Variants in COQ8A observed in about 807,000 individuals in gnomAD.
COQ8A encodes atypical kinase COQ8A, mitochondrial.
In COQ8A, 51 loss-of-function variants were observed where a neutral mutation model predicts 65.0. That is an observed-to-expected ratio of 0.78 (90% CI 0.63 to 0.99). The LOEUF (loss-of-function observed/expected upper bound fraction) is 0.99. COQ8A is among the 50% of genes least tolerant of loss of function. The pLI is 0.00. For missense variants in COQ8A, 940 were observed against 875.0 expected (o/e 1.07, Z -0.94); for synonymous variants, 371 against 353.2 (o/e 1.05, Z -0.57).
chr1:226,947,884 C>G (rs758904832), intron 1 of COQ8A, among the ~76,000 whole-genome samples: 5 of 152,220 alleles, frequency 3.3e-5, no homozygotes, highest in East Asian at 1.9e-4. Flanking sequence ...TCATTAAGAA[C>G]AGGAATGCAC....
Position 226,986,751 on chromosome 1 carries a change from GCCCAGGCCGGCTCC to G in COQ8A, c.*15_*28del, listed in dbSNP as rs766809642. ...GCCCAGCAGTAGGGCTGCGGGCCAC[GCCCAGGCCGGCTCC>G]GCGGGAACTCTCTCCCTCAGACAGG... On this transcript the variant is annotated 3_prime_UTR_variant, in exon 15 of 15. Transcript: ENST00000366777. 2.5e-6 allele frequency: 4 copies of G among 1,610,164 alleles called. No homozygotes were observed. The highest frequency in any genetic ancestry group is 1.3e-5 in the African/African-American group (1 of 75,052).
chr1:226,978,509 C>A (rs934555986), intron 5 of COQ8A, among the ~76,000 whole-genome samples: 2 of 137,966 alleles, frequency 1.4e-5, no homozygotes, highest in African/African-American at 5.1e-5. Context: ...CTCCACACAC[C>A]CACCGAACAC....
Position 226,984,956 on chromosome 1 carries a change from G to A in COQ8A, c.1572+15G>A, listed in dbSNP as rs1162870227. ...TCTACATTCAGGTAACTGGAGAGGGGCCCTGGCCTTGGTCCATGTTTTTCT... is the reference window on the plus strand; with the variant it reads ...TCTACATTCAGGTAACTGGAGAGGGACCCTGGCCTTGGTCCATGTTTTTCT... On this transcript the variant is annotated intron_variant, in intron 13 of 14. Coordinates refer to ENST00000366777, the MANE Select transcript of COQ8A (RefSeq NM_020247.5). 2 of 1,613,858 alleles carry A rather than the reference G, an allele frequency of 1.2e-6. No homozygotes were observed. The highest frequency in any genetic ancestry group is 2.2e-5 in the East Asian group (1 of 44,884).
chr1:226,964,477 G>C (rs1658439229), intron 2 of COQ8A, among the ~76,000 whole-genome samples: 1 of 152,194 alleles, frequency 6.6e-6, no homozygotes, highest in Non-Finnish European at 1.5e-5. Context: ...GCCTGGTCCT[G>C]GTTGTAACCA....
intron 2 of COQ8A, among the ~76,000 whole-genome samples, chr1:226,964,018 G>T (rs1043636879): frequency 6.6e-6 from 1 of 152,138 alleles, no homozygotes; most frequent in Admixed American, 6.5e-5. Context: ...CACATCAGCC[G>T]TCTTTGCCTC....
intron 1 of COQ8A, among the ~76,000 whole-genome samples, chr1:226,958,935 C>T (rs1657985183): frequency 6.6e-6 from 1 of 152,142 alleles, no homozygotes; most frequent in South Asian, 2.1e-4. Context: ...GATGAAGTCA[C>T]GGTGCTGATA....
chr1:226,952,842 G>A (rs1657469715), intron 1 of COQ8A, among the ~76,000 whole-genome samples: 2 of 152,052 alleles, frequency 1.3e-5, no homozygotes, highest in African/African-American at 4.8e-5. Flanking sequence ...AGAAAGATTT[G>A]TCTTCCCACC....
intron 4 of COQ8A, among the ~76,000 whole-genome samples, chr1:226,969,945 C>G (rs1327570583): frequency 2.0e-5 from 3 of 152,068 alleles, no homozygotes; most frequent in Non-Finnish European, 2.9e-5. Context: ...TTAAATTAAT[C>G]AAGGACTTAA....
rs150918577 is a variant in COQ8A at position 226,984,628 on chromosome 1, C to A, written c.1479C>A (p.Asn493Lys). ...TGCAAACAGACCCCAACTGGTCCAACTTCTTCTATGACCCCCAGCAGCACA... is the reference window on the plus strand; with the variant it reads ...TGCAAACAGACCCCAACTGGTCCAAATTCTTCTATGACCCCCAGCAGCACA... ...HFMQTDPNWS[N>K]FFYDPQQHKV... is the part of the protein sequence containing the mutation. The change falls in exon 12 of 15, where the codon AAC becomes AAA. Residue 493 changes from asparagine to lysine, a missense_variant. Physicochemically the swap from Asn to Lys is moderately conservative, Grantham distance 94. Transcript: ENST00000366777. 1 of 1,614,062 alleles carries A rather than the reference C, an allele frequency of 6.2e-7. No individual in the cohort carries two copies. The highest frequency in any genetic ancestry group is 1.3e-5 in the African/African-American group (1 of 74,932).
rs1299540337 is a variant in COQ8A at position 226,983,860 on chromosome 1, G to GC, written c.1256+11dup. On this transcript the variant is annotated splice_region_variant and intron_variant, in intron 10 of 14. Coordinates refer to ENST00000366777, the MANE Select transcript of COQ8A (RefSeq NM_020247.5). The stretch of plus-strand genomic sequence containing the variant: ...GCCTGTGCCCGCAAGTTCAGGTGTG[G>GC]CCCCCGGCCGGGCCCCTTGCGTGTT... 7.5e-6 allele frequency: 12 copies of GC among 1,603,106 alleles called. No homozygotes were observed. In the Admixed American group the frequency reaches 2.0e-4, roughly 27 times the overall value.
At chr1:226,985,124 C>A in intron 13 of COQ8A, 130 bp from the exon 14 acceptor site, 2 of 1,267,798 alleles carry the variant, frequency 1.6e-6, no homozygotes, top group Non-Finnish European at 2.3e-6. Flanking sequence ...GGTGTCACAG[C>A]ACTGGCCGGG....
intron 5 of COQ8A, among the ~76,000 whole-genome samples, chr1:226,980,952 C>T (rs1224349973): frequency 3.3e-5 from 5 of 152,382 alleles, no homozygotes; most frequent in South Asian, 2.1e-4. Context: ...GACCTGGCTC[C>T]GTGCCACCCG....
rs577574059 is a variant in COQ8A at position 226,969,680 on chromosome 1, CT to C, written c.655+3953del. Among the ~76,000 whole-genome samples the C allele has an allele frequency of 6.4e-3, 952 of 149,236 alleles. 5 individuals are homozygous for C. Among genetic ancestry groups the C allele is most frequent in the African/African-American group, 0.021 (850 of 40,764 alleles). ...GTTTTGGGTAATGTTTGCATGTTACCTTTTTTTTTTCCCCTGTACTTTCAAC... is the reference window on the plus strand; with the variant it reads ...GTTTTGGGTAATGTTTGCATGTTACCTTTTTTTTTCCCCTGTACTTTCAAC... On this transcript the variant is annotated intron_variant, in intron 4 of 14. Transcript: ENST00000366777.
At chr1:226,951,172 CCT>C (rs1657354456) in intron 1 of COQ8A, among the ~76,000 whole-genome samples, 1 of 152,222 alleles carries the variant, frequency 6.6e-6, no homozygotes. Flanking sequence ...CTGACCACCC[CCT>C]GACCCCACAC....
Position 226,984,240 on chromosome 1 carries a change from G to A in COQ8A, c.1398+5G>A, listed in dbSNP as rs1354098645. On this transcript the variant is annotated splice_donor_5th_base_variant and intron_variant, in intron 11 of 14. Coordinates refer to ENST00000366777, the MANE Select transcript of COQ8A (RefSeq NM_020247.5). ...AGCCAGGAGATTCGGAACGAGGTTT[G>A]TCTGTGCCAGCAGACAGGTGGGGCC... 6.2e-7 allele frequency: 1 copy of A among 1,613,446 alleles called. No individual in the cohort carries two copies. Among genetic ancestry groups the A allele is most frequent in the Admixed American group, 1.7e-5 (1 of 60,012 alleles).
chr1:226,952,473 T>C (rs985693000), intron 1 of COQ8A, among the ~76,000 whole-genome samples: 58 of 152,328 alleles, frequency 3.8e-4, no homozygotes, highest in African/African-American at 1.3e-3. Context: ...TGGAGTGCAG[T>C]CGTGTGATCA....
chr1:226,986,630 A>C lies in COQ8A; in HGVS notation c.1837A>C (p.Met613Leu). 6 of 1,613,670 alleles carry C rather than the reference A, an allele frequency of 3.7e-6. No individual in the cohort carries two copies. Among genetic ancestry groups the C allele is most frequent in the Non-Finnish European group, 5.1e-6 (6 of 1,179,970 alleles). ...PEETYSLHRK[M>L]GGSFLICSKL... ...GGAAACCTACTCCCTGCACAGGAAG[A>C]TGGGGGGCTCCTTCCTCATCTGCTC... The change falls in exon 15 of 15, where the codon ATG (methionine) becomes CTG (leucine). Residue 613 changes from methionine (M) to leucine (L), a missense_variant. Coordinates refer to ENST00000366777, the MANE Select transcript of COQ8A (RefSeq NM_020247.5).
In COQ8A at chr1:226,971,821, C is replaced by T. The variant is rs909447587; in HGVS notation, c.656-5628C>T. On this transcript the variant is annotated intron_variant, in intron 4 of 14. Coordinates refer to ENST00000366777, the MANE Select transcript of COQ8A (RefSeq NM_020247.5). ...TCTCTAGCAGTTTGACTGTGACATG[C>T]TTGAGTGTGGTTTGCTTTGTATTTA... is the stretch of plus-strand genomic sequence containing the variant. 3.3e-5 allele frequency among the ~76,000 whole-genome samples: 5 copies of T among 152,100 alleles called. No individual in the cohort carries two copies. The East Asian group carries it at 9.7e-4, about 29-fold the overall frequency.
At chr1:226,984,364 C>A in intron 11 of COQ8A, 129 bp downstream of exon 11, 1 of 1,433,606 alleles carries the variant, frequency 7.0e-7, no homozygotes, top group Non-Finnish European at 9.6e-7. Context: ...AGTGAAGTAG[C>A]ACCAGTGGGA....
Sources: allele counts gnomAD v4.1 joint callset (sites outside exome capture counted in the v4.1 genomes callset), GRCh38; gene constraint gnomAD v4.1.1; transcripts MANE v1.5; gene names NCBI Gene and HGNC (gene_info 2026-07-23, HGNC 2026-07-21).